The following ZFYVE26 variants were observed in gnomAD, a reference collection of about 807,000 sequenced individuals.
ZFYVE26 encodes the protein zinc finger FYVE domain-containing protein 26.
A neutral mutation model predicts 276.5 loss-of-function variants in ZFYVE26; 181 were observed. The ratio of observed to expected loss-of-function variants is 0.65; its 90% CI spans 0.58 to 0.74. The LOEUF (loss-of-function observed/expected upper bound fraction) is 0.74, where lower values mean the gene tolerates loss of function less well. Among genes scored for constraint, ZFYVE26 ranks in the 30% least tolerant of loss-of-function variants. The pLI, the probability that ZFYVE26 is intolerant of heterozygous loss-of-function variation, is 0.00. For synonymous variants in ZFYVE26, 1,129 were observed against 1,203.1 expected, an observed-to-expected ratio of 0.94 and a Z score of 1.27; for missense variants, 2,821 against 3,097.9, an observed-to-expected ratio of 0.91 and a Z score of 2.12.
Position 67,786,251 on chromosome 14 carries a change from A to G in ZFYVE26, c.3020-18T>C, listed in dbSNP as rs537109323. The G allele has an allele frequency of 1.1e-5, 14 of 1,293,592 alleles. No homozygotes were observed. The African/African-American group carries it at 2.6e-4, about 24-fold the overall frequency. 80.1% of individuals were successfully genotyped at this position (1,293,592 alleles called of 1,614,324 possible). On this transcript the variant is annotated intron_variant, in intron 16 of 41. Transcript: ENST00000347230. ...CCGTCGACCTGGAAATAGATGAAGG[A>G]AGAGGGAATGCAAAAAAAAAAAATT...
chr14:67,768,689 C>A, intron 29 of ZFYVE26, 141 bp from the exon 30 acceptor site: 2 of 794,898 alleles, frequency 2.5e-6, no homozygotes, highest in Non-Finnish European at 4.3e-6. Context: ...ATGAAAGAGT[C>A]CCCCATCAAT....
At chr14:67,773,160 T>C (rs999291762) in intron 27 of ZFYVE26, among the ~76,000 whole-genome samples, 7 of 152,200 alleles carry the variant, frequency 4.6e-5, no homozygotes, top group African/African-American at 2.4e-5. Context: ...AATGGTATTA[T>C]GGCTTTGTTT....
chr14:67,740,904 G>A (rs944423777), intron 13 of ZFYVE26, among the ~76,000 whole-genome samples: 1 of 147,742 alleles, frequency 6.8e-6, no homozygotes, highest in Non-Finnish European at 1.5e-5. Flanking sequence ...GTAAGACTCT[G>A]TCTCAAAAAA....
At chr14:67,729,359 C>A in exon 14 of ZFYVE26, 1 of 1,597,906 alleles carries the variant, frequency 6.3e-7, no homozygotes, top group Non-Finnish European at 8.5e-7. Context: ...GGCCTGGAGC[C>A]CCTGAGTGGC....
chr14:67,744,270 AGG>A, downstream of ZFYVE26, among the ~76,000 whole-genome samples: 1 of 152,256 alleles, frequency 6.6e-6, no homozygotes, highest in South Asian at 2.1e-4. Flanking sequence ...CATCTATCCT[AGG>A]TTTAGAGTGG....
Position 67,762,731 on chromosome 14 carries a change from C to T in ZFYVE26, c.6100G>A (p.Ala2034Thr), listed in dbSNP as rs374744696. The T allele has an allele frequency of 1.9e-6, 3 of 1,614,190 alleles. No homozygotes were observed. Among genetic ancestry groups the T allele is most frequent in the Non-Finnish European group, 2.5e-6 (3 of 1,180,046 alleles). The change falls in exon 33 of 42, where the codon GCA (alanine) becomes ACA (threonine). Residue 2034 changes from alanine (A) to threonine (T), a missense_variant. Physicochemically the swap from Ala to Thr is moderately conservative, Grantham distance 58. Transcript: ENST00000347230. Reference sequence around the variant, plus strand: ...AGCTGGTTCCTTAGCCTGGTTACTGCAGCTGGCTGCAAGATCTGATCCAAA... The same window carrying T: ...AGCTGGTTCCTTAGCCTGGTTACTGTAGCTGGCTGCAAGATCTGATCCAAA... ...PSLDQILQPAAVTRLRNQLLE... is the reference protein window; with the variant it reads ...PSLDQILQPATVTRLRNQLLE...
At position 67,774,931 on chromosome 14, in the gene ZFYVE26, C is replaced by CA. The variant is rs35993176; in HGVS notation, c.5320+84dup. On this transcript the variant is annotated intron_variant, in intron 27 of 41. Transcript: ENST00000347230. Reference sequence around the variant, plus strand: ...TGTAACTGGCAATGAAAAAAAGAAGCAAAAAAAAAAAAAAAATTCTGAAGG... The same window carrying CA: ...TGTAACTGGCAATGAAAAAAAGAAGCAAAAAAAAAAAAAAAAATTCTGAAGG... 0.031 allele frequency: 24,956 copies of CA among 797,766 alleles called. 50 individuals carry two copies. The highest frequency in any genetic ancestry group is 0.035 in the Non-Finnish European group (17,807 of 503,518). 49.4% of individuals were successfully genotyped at this position (797,766 alleles called of 1,614,324 possible).
intron 14 of ZFYVE26, 49 bp downstream of exon 14, chr14:67,793,559 A>G: frequency 1.2e-6 from 2 of 1,600,222 alleles, no homozygotes; most frequent in East Asian, 2.2e-5. Flanking sequence ...TCCGAGCCTT[A>G]CCTGATGCTA....
chr14:67,738,678 AAG>A (rs2038380077), intron 13 of ZFYVE26, among the ~76,000 whole-genome samples: 1 of 152,172 alleles, frequency 6.6e-6, no homozygotes, highest in Non-Finnish European at 1.5e-5. Flanking sequence ...ATGAATGTGT[AAG>A]AGAGGTTATC....
chr14:67,816,076 A>C (rs1378614180), intron 1 of ZFYVE26, 30 bp from the exon 2 acceptor site: 42 of 848,112 alleles, frequency 5.0e-5, no homozygotes, highest in Non-Finnish European at 6.9e-5. Context: ...AGTGAGAAGA[A>C]ACAGAAGGCA....
In ZFYVE26 at chr14:67,815,774, G is replaced by A. The variant is rs942866350; in HGVS notation, c.190C>T (p.Leu64=). The part of the protein sequence containing the change: ...LQALVVCPNL[L]RCGQDINPQR... The stretch of plus-strand genomic sequence containing the variant: ...GTAGGAAAAGAGATCCCTTACCTCA[G>A]CAGATTTGGACACACCACCAATGCC... The change falls in exon 2 of 42, where the codon CTG becomes TTG. Residue 64 remains leucine, a synonymous_variant. Coordinates refer to ENST00000347230, the MANE Select transcript of ZFYVE26 (RefSeq NM_015346.4). 1.9e-6 allele frequency: 3 copies of A among 1,612,966 alleles called. No homozygotes were observed. In the Middle Eastern group the frequency reaches 5.9e-4, roughly 315 times the overall value.
At chr14:67,738,682 G>A (rs189761869) in intron 13 of ZFYVE26, among the ~76,000 whole-genome samples, 1 of 152,246 alleles carries the variant, frequency 6.6e-6, no homozygotes, top group African/African-American at 2.4e-5. Context: ...ATGTGTAAGA[G>A]AGGTTATCCT....
At chr14:67,750,310 C>A (rs1297810321) in intron 41 of ZFYVE26, among the ~76,000 whole-genome samples, 3 of 152,208 alleles carry the variant, frequency 2.0e-5, no homozygotes, top group Non-Finnish European at 2.9e-5. Context: ...ATTAGCAATA[C>A]TGCCATGGGG....
In ZFYVE26 at chr14:67,762,405, G is replaced by A. The variant is rs773735638; in HGVS notation, c.6167C>T (p.Thr2056Ile). ...EYYQLGVEVS[T>I]KTGLDTTGAW... ...CCCGGTGGTATCAAGCCCAGTCTTT[G>A]TGGAGACCTGGGAGAAAAATTGCCC... The change falls in exon 34 of 42, where the codon ACA becomes ATA. Residue 2056 changes from threonine to isoleucine, a missense_variant. By Grantham distance (89) the Thr-to-Ile change is moderately conservative (BLOSUM62 -1). Coordinates refer to ENST00000347230, the MANE Select transcript of ZFYVE26 (RefSeq NM_015346.4). 1.9e-6 allele frequency: 3 copies of A among 1,613,618 alleles called. No individual in the cohort carries two copies. The highest frequency in any genetic ancestry group is 1.7e-6 in the Non-Finnish European group (2 of 1,179,774).
At chr14:67,773,929 G>C (rs1215116222) in intron 27 of ZFYVE26, among the ~76,000 whole-genome samples, 1 of 152,122 alleles carries the variant, frequency 6.6e-6, no homozygotes, top group Non-Finnish European at 1.5e-5. Flanking sequence ...GTGGGGGCTG[G>C]AGACCAGGGG....
At chr14:67,769,785 C>T in intron 28 of ZFYVE26, 55 bp from the exon 29 acceptor site, 1 of 1,611,074 alleles carries the variant, frequency 6.2e-7, no homozygotes, top group East Asian at 2.2e-5. Flanking sequence ...GGGAGATTGC[C>T]ATCAATCCAT....
chr14:67,763,556 A>G (rs1357500334), intron 32 of ZFYVE26, among the ~76,000 whole-genome samples: 1 of 152,260 alleles, frequency 6.6e-6, no homozygotes, highest in African/African-American at 2.4e-5. Context: ...GGAACAATAG[A>G]TCATAACCTA....
At chr14:67,790,016 T>C (rs1215032669) in intron 15 of ZFYVE26, among the ~76,000 whole-genome samples, 1 of 152,196 alleles carries the variant, frequency 6.6e-6, no homozygotes, top group African/African-American at 2.4e-5. Flanking sequence ...GGATAATATA[T>C]AGGAAGCAAT....
chr14:67,770,959 CTTT>C (rs5809364), intron 28 of ZFYVE26, among the ~76,000 whole-genome samples: 27 of 150,704 alleles, frequency 1.8e-4, no homozygotes, highest in Non-Finnish European at 1.9e-4. Flanking sequence ...TTCCTAATAT[CTTT>C]TTTTTTTTTT....
Sources: allele counts gnomAD v4.1 joint callset (sites outside exome capture counted in the v4.1 genomes callset), GRCh38; gene constraint gnomAD v4.1.1; transcripts MANE v1.5; gene names NCBI Gene and HGNC (gene_info 2026-07-23, HGNC 2026-07-21).